Variants in UBASH3B observed in about 807,000 individuals in gnomAD.
UBASH3B encodes ubiquitin-associated and SH3 domain-containing protein B.
In UBASH3B, 37 loss-of-function variants were observed where a neutral mutation model predicts 83.4. That is an observed-to-expected ratio of 0.44 (90% CI 0.34 to 0.58). The LOEUF is 0.58. UBASH3B is among the 20% of genes least tolerant of loss of function. UBASH3B has a pLI of 0.01. For synonymous variants in UBASH3B, 304 were observed against 318.3 expected (o/e 0.96, Z 0.48); for missense variants, 657 against 827.2 (o/e 0.79, Z 2.52).
Position 122,779,582 on chromosome 11 carries a change from C to A in UBASH3B, c.488C>A (p.Pro163His). ...RWKCKFSAPLPLELYTSSNFI... is the reference protein window; with the variant it reads ...RWKCKFSAPLHLELYTSSNFI... ...AAATGTAAGTTCTCGGCCCCGCTGC[C>A]CCTGGAGCTCTATACGTCGTCCAAC... Residue 163 changes from proline to histidine, a missense_variant, in exon 4 of 14, where the codon CCC becomes CAC. By Grantham distance (77) the Pro-to-His change is moderately conservative (BLOSUM62 -2). This residue lies in a region of UBASH3B where 573 missense variants were observed against 739.0 expected (regional missense o/e 0.78). Transcript: ENST00000284273. 1 of 1,614,138 alleles carries A rather than the reference C, an allele frequency of 6.2e-7. No individual in the cohort carries two copies. The highest frequency in any genetic ancestry group is 8.5e-7 in the Non-Finnish European group (1 of 1,180,018).
intron 3 of UBASH3B, among the ~76,000 whole-genome samples, chr11:122,778,748 G>A (rs974210118): frequency 3.3e-5 from 5 of 151,898 alleles, no homozygotes; most frequent in African/African-American, 1.2e-4. Flanking sequence ...GGGATTATAG[G>A]CGTCCGCCAC....
intron 9 of UBASH3B, among the ~76,000 whole-genome samples, chr11:122,797,908 G>C (rs1861182250): frequency 6.6e-6 from 1 of 152,154 alleles, no homozygotes; most frequent in Non-Finnish European, 1.5e-5. Flanking sequence ...CAGAGATGAG[G>C]CTAGCAAGAT....
intron 1 of UBASH3B, among the ~76,000 whole-genome samples, chr11:122,750,352 C>T (rs1196335786): frequency 3.9e-5 from 6 of 152,084 alleles, no homozygotes; most frequent in South Asian, 4.2e-4. Flanking sequence ...TGGGTGGAAC[C>T]GGGAGGGACA....
intron 1 of UBASH3B, among the ~76,000 whole-genome samples, chr11:122,668,081 G>A (rs1281504013): frequency 6.6e-6 from 1 of 152,170 alleles, no homozygotes; most frequent in Non-Finnish European, 1.5e-5. Flanking sequence ...TGCCTCCCAG[G>A]TTCAAGCGAT....
chr11:122,690,035 T>C (rs1316591554), intron 1 of UBASH3B, among the ~76,000 whole-genome samples: 2 of 151,246 alleles, frequency 1.3e-5, no homozygotes, highest in Non-Finnish European at 3.0e-5. Context: ...TCCCCCAGGG[T>C]GGGACATTCT....
chr11:122,705,963 A>G (rs1864112988), intron 1 of UBASH3B, among the ~76,000 whole-genome samples: 2 of 152,114 alleles, frequency 1.3e-5, no homozygotes, highest in Admixed American at 6.6e-5. Context: ...AGTCACACGG[A>G]GGCACTGGGA....
rs995540683 is a variant in UBASH3B at position 122,728,028 on chromosome 11, G to A, written c.162-48191G>A. On this transcript the variant is annotated intron_variant, in intron 1 of 13. Transcript: ENST00000284273. ...TATTATTATTATTATTTTTAGAGAT[G>A]AGGTCTCCTGTGTTGCCCAGGCTGG... 2.8e-5 allele frequency among the ~76,000 whole-genome samples: 4 copies of A among 144,622 alleles called. No individual in the cohort carries two copies. The Admixed American group carries it at 2.8e-4, about 10-fold the overall frequency. 94.9% of individuals were successfully genotyped at this position (144,622 alleles called of 152,430 possible).
At chr11:122,765,870 CAT>C (rs1860527179) in intron 1 of UBASH3B, among the ~76,000 whole-genome samples, 1 of 152,190 alleles carries the variant, frequency 6.6e-6, no homozygotes, top group African/African-American at 2.4e-5. Context: ...CTTCATGTAA[CAT>C]AGTCTCACTC....
In UBASH3B at chr11:122,799,016, G is replaced by T; in HGVS notation, c.1432G>T (p.Ala478Ser). The T allele has an allele frequency of 6.2e-7, 1 of 1,613,908 alleles. No homozygotes were observed. The highest frequency in any genetic ancestry group is 8.5e-7 in the Non-Finnish European group (1 of 1,179,892). The change falls in exon 10 of 14, where the codon GCA becomes TCA. Residue 478 changes from alanine (A) to serine (S), a missense_variant. Ala to Ser is a moderately conservative substitution (Grantham distance 99, BLOSUM62 1). Transcript: ENST00000284273. ...CCCGTCCCTTCGCTGCGTTCAGACT[G>T]CACACAATATCTTGAAAGGTAAGAC... is the stretch of plus-strand genomic sequence containing the variant. ...CSPSLRCVQT[A>S]HNILKGLQQE...
chr11:122,760,029 GATATAC>G (rs1487814957), intron 1 of UBASH3B, among the ~76,000 whole-genome samples: 1 of 152,176 alleles, frequency 6.6e-6, no homozygotes, highest in African/African-American at 2.4e-5. Flanking sequence ...CTGCCACACT[GATATAC>G]ATATACCTTT....
intron 1 of UBASH3B, among the ~76,000 whole-genome samples, chr11:122,683,041 T>G (rs977382353): frequency 1.3e-5 from 2 of 151,300 alleles, no homozygotes; most frequent in African/African-American, 2.4e-5. Context: ...AGCCCAGGAG[T>G]TGGTCTTGCG....
intron 6 of UBASH3B, among the ~76,000 whole-genome samples, chr11:122,792,424 T>G (rs944145712): frequency 6.6e-6 from 1 of 151,938 alleles, no homozygotes; most frequent in African/African-American, 2.4e-5. Flanking sequence ...GTTCCAGTGA[T>G]TCTCCTGCCT....
At chr11:122,721,376 G>A (rs139746973) in intron 1 of UBASH3B, among the ~76,000 whole-genome samples, 5 of 152,130 alleles carry the variant, frequency 3.3e-5, no homozygotes, top group African/African-American at 7.2e-5. Context: ...AGCACTACGG[G>A]GGGGTGGGAG....
chr11:122,718,933 A>G (rs1339912266), intron 1 of UBASH3B, among the ~76,000 whole-genome samples: 1 of 152,198 alleles, frequency 6.6e-6, no homozygotes, highest in Non-Finnish European at 1.5e-5. Context: ...GAAACCTGGG[A>G]GGTTGAGGCA....
intron 1 of UBASH3B, among the ~76,000 whole-genome samples, chr11:122,677,338 C>T (rs747288509): frequency 1.5e-4 from 23 of 152,148 alleles, no homozygotes; most frequent in Non-Finnish European, 2.2e-4. Flanking sequence ...GAGTACTGTA[C>T]GTTCTTTTCA....
intron 1 of UBASH3B, among the ~76,000 whole-genome samples, chr11:122,690,303 TA>T (rs1863878379): frequency 9.4e-6 from 1 of 106,274 alleles, no homozygotes; most frequent in Non-Finnish European, 2.1e-5. Context: ...TCTCCAATTA[TA>T]CATATATATA....
chr11:122,744,791 T>C (rs1861084962), intron 1 of UBASH3B, among the ~76,000 whole-genome samples: 1 of 152,216 alleles, frequency 6.6e-6, no homozygotes, highest in Non-Finnish European at 1.5e-5. Flanking sequence ...AGTGATCATG[T>C]GTGTGACTGT....
chr11:122,676,604 ACTGG>A lies in UBASH3B; in HGVS notation c.161+20398_161+20401del, dbSNP rs1863670954. Among the ~76,000 whole-genome samples the A allele has an allele frequency of 2.6e-5, 4 of 151,952 alleles. No individual in the cohort carries two copies. In the South Asian group the frequency reaches 8.3e-4, roughly 32 times the overall value. On this transcript the variant is annotated intron_variant, in intron 1 of 13. Coordinates refer to ENST00000284273, the MANE Select transcript of UBASH3B (RefSeq NM_032873.5). ...GGCACAGGCCCGTAGTCTCAGTTAC[ACTGG>A]CTGAGGTGGGAGGATTGCTTGAGCC...
intron 1 of UBASH3B, among the ~76,000 whole-genome samples, chr11:122,728,215 G>A (rs532655850): frequency 2.6e-5 from 4 of 152,264 alleles, no homozygotes; most frequent in East Asian, 3.9e-4. Context: ...ATGCAGAGTC[G>A]TTGAGTTTAC....
Sources: gnomAD v4.1 joint callset for allele counts (sites outside exome capture counted in the v4.1 genomes callset) on GRCh38, gnomAD v4.1.1 for gene constraint, gnomAD v4.1.1 regional missense constraint, MANE v1.5 for transcripts, NCBI Gene and HGNC (gene_info 2026-07-23, HGNC 2026-07-21) for gene names.